The following SORCS3 variants were observed in gnomAD, a reference collection of about 807,000 sequenced individuals.
The protein encoded by SORCS3 is sortilin related VPS10 domain containing receptor 3, also known as VPS10 domain-containing receptor SorCS3.
Under a neutral mutation model 146.3 loss-of-function variants are expected in SORCS3, and 57 were observed. The observed-to-expected ratio is 0.39, with a 90% confidence interval of 0.31 to 0.49. The LOEUF is 0.49. Ranked by LOEUF, SORCS3 falls within the 20% of genes least tolerant of loss-of-function variation. The pLI is 0.92. For missense variants in SORCS3, 1,341 were observed against 1,575.5 expected (o/e 0.85, Z 2.52); for synonymous variants, 653 against 618.5 (o/e 1.06, Z -0.83).
intron 3 of SORCS3, among the ~76,000 whole-genome samples, chr10:104,975,530 T>A (rs1282106920): frequency 6.6e-6 from 1 of 152,156 alleles, no homozygotes; most frequent in Non-Finnish European, 1.5e-5. Context: ...AAGCTGCCAA[T>A]GACTTTCTTC....
At chr10:104,735,451 C>T (rs1051202040) in intron 1 of SORCS3, among the ~76,000 whole-genome samples, 5 of 21,578 alleles carry the variant, frequency 2.3e-4, no homozygotes, top group Admixed American at 4.2e-4. Context: ...GAGCTCTCAC[C>T]GTCTGTTTTT....
At chr10:104,946,499 C>T (rs138360392) in intron 3 of SORCS3, among the ~76,000 whole-genome samples, 28 of 152,250 alleles carry the variant, frequency 1.8e-4, no homozygotes, top group Middle Eastern at 3.4e-3. Flanking sequence ...AGCACTTTGT[C>T]GTAGTCAGAC....
chr10:104,862,011 C>T (rs1489366137), intron 2 of SORCS3, among the ~76,000 whole-genome samples: 1 of 152,142 alleles, frequency 6.6e-6, no homozygotes, highest in Non-Finnish European at 1.5e-5. Context: ...GGATCAGGAG[C>T]CCATCCTACT....
chr10:105,042,948 T>G (rs1329614268), intron 4 of SORCS3, 107 bp from the exon 5 acceptor site: 3 of 847,598 alleles, frequency 3.5e-6, no homozygotes, highest in Non-Finnish European at 6.0e-6. Flanking sequence ...AAATGCCTAC[T>G]TGGGTGTGTT....
intron 7 of SORCS3, among the ~76,000 whole-genome samples, chr10:105,133,849 T>A (rs546861816): frequency 2.8e-4 from 42 of 152,190 alleles, no homozygotes; most frequent in Admixed American, 5.2e-4. Context: ...TCCCAGCTAC[T>A]TGGGAGGCTG....
intron 1 of SORCS3, among the ~76,000 whole-genome samples, chr10:104,753,581 G>A (rs992999371): frequency 2.0e-5 from 3 of 152,140 alleles, no homozygotes; most frequent in African/African-American, 4.8e-5. Context: ...AATACTATAC[G>A]AATGATTAAC....
chr10:105,256,792 T>G (rs771140031), intron 24 of SORCS3, 27 bp from the exon 25 acceptor site: 1 of 1,583,132 alleles, frequency 6.3e-7, no homozygotes, highest in East Asian at 2.2e-5. Flanking sequence ...ATATCTGTTC[T>G]TTTCCTTATC....
chr10:104,903,380 A>G (rs2018872275), intron 2 of SORCS3, among the ~76,000 whole-genome samples: 1 of 152,158 alleles, frequency 6.6e-6, no homozygotes, highest in Non-Finnish European at 1.5e-5. Context: ...TGAGGACAAG[A>G]GACTATGGAA....
At chr10:104,958,313 C>T (rs561258343) in intron 3 of SORCS3, among the ~76,000 whole-genome samples, 2 of 152,244 alleles carry the variant, frequency 1.3e-5, no homozygotes, top group South Asian at 4.2e-4. Flanking sequence ...TAGCAAGTCA[C>T]TGAGCCCTGG....
intron 8 of SORCS3, among the ~76,000 whole-genome samples, chr10:105,144,193 C>T (rs371048373): frequency 6.6e-6 from 1 of 152,120 alleles, no homozygotes; most frequent in Non-Finnish European, 1.5e-5. Context: ...TGCTTTTATG[C>T]GATACAGATT....
intron 1 of SORCS3, among the ~76,000 whole-genome samples, chr10:104,785,343 C>T (rs891142140): frequency 2.8e-5 from 4 of 142,782 alleles, no homozygotes; most frequent in Non-Finnish European, 4.5e-5. Flanking sequence ...GGATTAAGGG[C>T]GGTGCAAGAT....
intron 10 of SORCS3, among the ~76,000 whole-genome samples, chr10:105,158,398 A>T (rs2056230599): frequency 6.6e-6 from 1 of 152,208 alleles, no homozygotes; most frequent in Non-Finnish European, 1.5e-5. Flanking sequence ...AATTATAAGT[A>T]AGAACAAAAT....
intron 1 of SORCS3, among the ~76,000 whole-genome samples, chr10:104,694,592 C>G (rs1178825651): frequency 6.6e-6 from 1 of 152,096 alleles, no homozygotes; most frequent in African/African-American, 2.4e-5. Context: ...CTGGGGGCAG[C>G]CTGTGTCCAT....
intron 5 of SORCS3, among the ~76,000 whole-genome samples, chr10:105,051,320 C>A (rs1564742932): frequency 6.6e-6 from 1 of 152,016 alleles, no homozygotes; most frequent in East Asian, 1.9e-4. Context: ...GGATGAAGGG[C>A]AGAGAAGCAG....
intron 1 of SORCS3, among the ~76,000 whole-genome samples, chr10:104,647,231 G>A (rs542101194): frequency 6.6e-6 from 1 of 152,072 alleles, no homozygotes; most frequent in Non-Finnish European, 1.5e-5. Context: ...CTTTGGATTT[G>A]ACTCTTCCCT....
intron 5 of SORCS3, among the ~76,000 whole-genome samples, chr10:105,075,775 C>A (rs1306930903): frequency 6.6e-6 from 1 of 152,074 alleles, no homozygotes; most frequent in Non-Finnish European, 1.5e-5. Flanking sequence ...CACCAGAGAC[C>A]ACAGAGGGAA....
In SORCS3 at chr10:105,166,391, G is replaced by A. The variant is rs1013817432; in HGVS notation, c.1810-867G>A. On this transcript the variant is annotated intron_variant, in intron 12 of 26. Coordinates refer to ENST00000369701, the MANE Select transcript of SORCS3 (RefSeq NM_014978.3). ...TCTCCAAGCATACTTTCCCCTAGAA[G>A]ATCTACAGTCGAGATTAGTTCTCTG... Among the ~76,000 whole-genome samples the A allele has an allele frequency of 2.6e-5, 4 of 152,256 alleles. 1 individual carries two copies. The highest frequency in any genetic ancestry group is 2.0e-4 in the Admixed American group (3 of 15,290).
intron 25 of SORCS3, among the ~76,000 whole-genome samples, chr10:105,259,343 C>T (rs2056947917): frequency 6.6e-6 from 1 of 152,162 alleles, no homozygotes; most frequent in East Asian, 1.9e-4. Flanking sequence ...ACTGAGTTTC[C>T]AGATCCAAAG....
chr10:104,916,383 A>C (rs4917432), intron 3 of SORCS3, among the ~76,000 whole-genome samples: 74,978 of 152,006 alleles, frequency 0.49, 22,239 homozygotes, highest in African/African-American at 0.84. Context: ...CCCTTACTCC[A>C]AGGGAGATTG....
Sources: allele counts gnomAD v4.1 joint callset (sites outside exome capture counted in the v4.1 genomes callset), GRCh38; gene constraint gnomAD v4.1.1; transcripts MANE v1.5; gene names NCBI Gene and HGNC (gene_info 2026-07-23, HGNC 2026-07-21).